Variants in PCBP3 observed in about 807,000 individuals in gnomAD.
PCBP3 encodes the protein poly(rC) binding protein 3.
PCBP3 carries 25 observed loss-of-function variants against 52.7 expected under a neutral mutation model. The observed-to-expected ratio is 0.47, with a 90% confidence interval of 0.35 to 0.66. The LOEUF is 0.66. Ranked by LOEUF, PCBP3 falls within the 30% of genes least tolerant of loss-of-function variation. The pLI is 0.01. For synonymous variants in PCBP3, 162 were observed against 183.0 expected (o/e 0.89, Z 0.93); for missense variants, 391 against 490.3 (o/e 0.80, Z 1.91).
intron 1 of PCBP3, among the ~76,000 whole-genome samples, chr21:45,653,647 G>C (rs2079829828): frequency 6.6e-6 from 1 of 152,182 alleles, no homozygotes; most frequent in South Asian, 2.1e-4. Flanking sequence ...CTCTTGCAAA[G>C]AGTATAGTTA....
intron 4 of PCBP3, among the ~76,000 whole-genome samples, chr21:45,810,201 T>C (rs759277343): frequency 1.1e-4 from 16 of 149,024 alleles, no homozygotes; most frequent in Non-Finnish European, 2.1e-4. Flanking sequence ...TAAACCCTAC[T>C]TGGTCGTGAT....
rs533939157 is a variant in PCBP3 at position 45,911,596 on chromosome 21, T to G, written c.600+566T>G. Among the ~76,000 whole-genome samples the G allele has an allele frequency of 6.6e-5, 10 of 152,202 alleles. No individual in the cohort carries two copies. The East Asian group carries it at 1.9e-3, about 29-fold the overall frequency. Reference sequence around the variant, plus strand: ...ACCCGCTCAGAGCAGACGCCTCTCTTGAAGTTTCGGGGGGAGGAAAAAACT... The same window carrying G: ...ACCCGCTCAGAGCAGACGCCTCTCTGGAAGTTTCGGGGGGAGGAAAAAACT... On this transcript the variant is annotated intron_variant, in intron 11 of 17. Coordinates refer to ENST00000681687, the MANE Select transcript of PCBP3 (RefSeq NM_001384156.1).
intron 4 of PCBP3, among the ~76,000 whole-genome samples, chr21:45,813,490 G>C (rs2092739064): frequency 6.6e-6 from 1 of 152,150 alleles, no homozygotes; most frequent in Admixed American, 6.5e-5. Flanking sequence ...TGCCCAGGCT[G>C]GAGTGCAGTG....
chr21:45,664,886 C>G (rs184899549), intron 1 of PCBP3, among the ~76,000 whole-genome samples: 1 of 150,576 alleles, frequency 6.6e-6, no homozygotes, highest in Admixed American at 6.7e-5. Flanking sequence ...TTTGTTCTTG[C>G]GATAGTTTAC....
At chr21:45,807,761 A>G (rs2092554679) in intron 4 of PCBP3, among the ~76,000 whole-genome samples, 1 of 143,236 alleles carries the variant, frequency 7.0e-6, no homozygotes, top group Non-Finnish European at 1.5e-5. Flanking sequence ...AAACAAAACA[A>G]AAAAAAAACC....
chr21:45,872,164 C>G (rs2095054349), intron 5 of PCBP3: 1 of 152,290 alleles, frequency 6.6e-6, no homozygotes, highest in Admixed American at 6.5e-5. Context: ...GGTCCCTCTT[C>G]AGTGCCACAT....
rs574608155 is a variant in PCBP3 at position 45,935,925 on chromosome 21, A to G, written c.909+620A>G. Among the ~76,000 whole-genome samples, 6 of 152,348 alleles carry G rather than the reference A, an allele frequency of 3.9e-5. No homozygotes were observed. In the South Asian group the frequency reaches 1.0e-3, roughly 26 times the overall value. On this transcript the variant is annotated intron_variant, in intron 16 of 17. Transcript: ENST00000681687. The stretch of plus-strand genomic sequence containing the variant: ...TATTCTCTGAATGCTTGACTTATCC[A>G]GAAACTGAGAGACCAGGGAGGGCAT...
intron 2 of PCBP3, among the ~76,000 whole-genome samples, chr21:45,714,914 T>C (rs1289360810): frequency 6.6e-6 from 1 of 152,192 alleles, no homozygotes; most frequent in Non-Finnish European, 1.5e-5. Flanking sequence ...GAAGAACTAG[T>C]GGATGCCCAT....
rs2077296994 is a variant in PCBP3, at chr21:45,940,083, G to T, written c.963G>T (p.Gln321His). 6.2e-7 allele frequency: 1 copy of T among 1,614,060 alleles called. No individual in the cohort carries two copies. The highest frequency in any genetic ancestry group is 8.5e-7 in the Non-Finnish European group (1 of 1,180,006). Residue 321 changes from glutamine to histidine, a missense_variant, in exon 17 of 18, where the codon CAG becomes CAT. Physicochemically the swap from Gln to His is conservative, Grantham distance 24. Coordinates refer to ENST00000681687, the MANE Select transcript of PCBP3 (RefSeq NM_001384156.1). ...GGACCAAAATCAATGAAATTCGACA[G>T]ATGTCTGGAGCTCAGATCAAAATCG... is the stretch of plus-strand genomic sequence containing the variant. Reference protein sequence around the residue: ...RQGTKINEIRQMSGAQIKIAN... With the variant: ...RQGTKINEIRHMSGAQIKIAN...
intron 5 of PCBP3, among the ~76,000 whole-genome samples, chr21:45,891,811 G>A (rs988936864): frequency 2.0e-5 from 3 of 152,230 alleles, no homozygotes; most frequent in Non-Finnish European, 2.9e-5. Flanking sequence ...CTCTCTCTGA[G>A]CGCCTCCTCC....
chr21:45,766,323 G>A (rs1303645262), intron 4 of PCBP3, among the ~76,000 whole-genome samples: 1 of 152,260 alleles, frequency 6.6e-6, no homozygotes, highest in African/African-American at 2.4e-5. Context: ...TAGTATGACT[G>A]CTTTTGGAGT....
chr21:45,654,133 A>G (rs1451829576), intron 1 of PCBP3, among the ~76,000 whole-genome samples: 1 of 152,110 alleles, frequency 6.6e-6, no homozygotes, highest in African/African-American at 2.4e-5. Flanking sequence ...TGGTATTAAT[A>G]GTATTATTAC....
intron 5 of PCBP3, among the ~76,000 whole-genome samples, chr21:45,861,692 G>A (rs1376892682): frequency 1.3e-5 from 2 of 152,192 alleles, no homozygotes; most frequent in East Asian, 3.9e-4. Context: ...CTGCCCAGTG[G>A]AGAGGAATGG....
At chr21:45,872,642 T>C (rs1437962894) in intron 5 of PCBP3, 7 of 152,200 alleles carry the variant, frequency 4.6e-5, no homozygotes, top group Admixed American at 3.9e-4. Flanking sequence ...GGAGCCCGCG[T>C]TGGGGCTGCG....
chr21:45,653,217 G>A (rs762438916), intron 1 of PCBP3, among the ~76,000 whole-genome samples: 1 of 152,092 alleles, frequency 6.6e-6, no homozygotes, highest in Non-Finnish European at 1.5e-5. Flanking sequence ...AAATAATTGG[G>A]TTCAATGTAC....
At chr21:45,743,594 G>A (rs1335338892) in intron 3 of PCBP3, among the ~76,000 whole-genome samples, 3 of 152,100 alleles carry the variant, frequency 2.0e-5, no homozygotes, top group East Asian at 3.8e-4. Flanking sequence ...TATGCTCCCA[G>A]TATCTTATTG....
intron 1 of PCBP3, among the ~76,000 whole-genome samples, chr21:45,644,882 G>A (rs867366559): frequency 9.2e-5 from 14 of 152,214 alleles, no homozygotes; most frequent in Non-Finnish European, 8.8e-5. Context: ...ACTTTCAGGG[G>A]CAAACTGTTG....
chr21:45,851,492 A>T (rs893650486), intron 5 of PCBP3, among the ~76,000 whole-genome samples: 2 of 152,186 alleles, frequency 1.3e-5, no homozygotes, highest in African/African-American at 4.8e-5. Context: ...AGCCTGGGCC[A>T]TGGAGTGAGA....
chr21:45,875,207 G>A (rs573238291), intron 5 of PCBP3, among the ~76,000 whole-genome samples: 51 of 152,040 alleles, frequency 3.4e-4, no homozygotes, highest in African/African-American at 1.1e-3. Flanking sequence ...TCCACGCGGC[G>A]CGCTCCAGCT....
Sources: allele counts gnomAD v4.1 joint callset (sites outside exome capture counted in the v4.1 genomes callset), GRCh38; gene constraint gnomAD v4.1.1; transcripts MANE v1.5; gene names NCBI Gene and HGNC (gene_info 2026-07-23, HGNC 2026-07-21).